The following MAP4K3 variants were observed in gnomAD, a reference collection of about 807,000 sequenced individuals.
MAP4K3 encodes the protein mitogen-activated protein kinase kinase kinase kinase 3, also known as MAPK/ERK kinase kinase kinase 3.
MAP4K3 carries 94 observed loss-of-function variants against 143.5 expected under a neutral mutation model. That is an observed-to-expected ratio of 0.65 (90% CI 0.55 to 0.78). The LOEUF (loss-of-function observed/expected upper bound fraction) is 0.78. Among genes scored for constraint, MAP4K3 ranks in the 30% least tolerant of loss-of-function variants. The pLI is 0.00. For missense variants in MAP4K3, 1,077 were observed against 1,068.1 expected, an observed-to-expected ratio of 1.01 and a Z score of -0.12; for synonymous variants, 416 against 347.2, an observed-to-expected ratio of 1.20 and a Z score of -2.20.
Position 39,437,252 on chromosome 2 carries a change from C to T in MAP4K3, c.-265G>A, listed in dbSNP as rs1052979688. The T allele has an allele frequency of 2.2e-5, 6 of 271,844 alleles. No homozygotes were observed. Among genetic ancestry groups the T allele is most frequent in the Admixed American group, 5.4e-5 (1 of 18,516 alleles). 16.8% of individuals were successfully genotyped at this position (271,844 alleles called of 1,614,324 possible). ...ACAAGGAGAGGAGAACCCTCGCAGC[C>T]CCTCGCTCGGGGTGAAACTCCAACA... On this transcript the variant is annotated 5_prime_UTR_variant, in exon 1 of 34. Coordinates refer to ENST00000263881, the MANE Select transcript of MAP4K3 (RefSeq NM_003618.4).
At chr2:39,389,813 A>G (rs752797850) in intron 1 of MAP4K3, among the ~76,000 whole-genome samples, 1 of 152,222 alleles carries the variant, frequency 6.6e-6, no homozygotes, top group Non-Finnish European at 1.5e-5. Flanking sequence ...AAGAAAGTTT[A>G]AGATGCAAGG....
At chr2:39,362,417 T>C (rs915707149) in intron 2 of MAP4K3, among the ~76,000 whole-genome samples, 17 of 152,130 alleles carry the variant, frequency 1.1e-4, no homozygotes, top group African/African-American at 4.1e-4. Context: ...CAAATGCATT[T>C]ATATACACTA....
intron 2 of MAP4K3, among the ~76,000 whole-genome samples, chr2:39,371,049 T>C (rs1323593883): frequency 6.6e-6 from 1 of 152,166 alleles, no homozygotes; most frequent in African/African-American, 2.4e-5. Flanking sequence ...TCTCAAGAAT[T>C]GGCAGTGTTC....
At chr2:39,353,891 A>G (rs941614873) in intron 3 of MAP4K3, among the ~76,000 whole-genome samples, 5 of 152,210 alleles carry the variant, frequency 3.3e-5, no homozygotes, top group African/African-American at 1.2e-4. Flanking sequence ...AGATATTATT[A>G]TCATCTGTTT....
At chr2:39,393,886 T>C (rs574908353) in intron 1 of MAP4K3, among the ~76,000 whole-genome samples, 1 of 152,190 alleles carries the variant, frequency 6.6e-6, no homozygotes, top group Non-Finnish European at 1.5e-5. Context: ...AAAATCTGCA[T>C]ATGTGGACAT....
intron 12 of MAP4K3, among the ~76,000 whole-genome samples, chr2:39,318,618 A>G (rs1683197741): frequency 6.6e-6 from 1 of 152,116 alleles, no homozygotes; most frequent in South Asian, 2.1e-4. Flanking sequence ...TTTCTAATAA[A>G]TGGCATTTAA....
At chr2:39,308,843 T>A (rs1682812354) in intron 14 of MAP4K3, among the ~76,000 whole-genome samples, 1 of 152,068 alleles carries the variant, frequency 6.6e-6, no homozygotes, top group Non-Finnish European at 1.5e-5. Flanking sequence ...GTATGCCTCA[T>A]CTCCCTAATT....
At chr2:39,379,334 G>A (rs1025323649) in intron 1 of MAP4K3, among the ~76,000 whole-genome samples, 10 of 151,876 alleles carry the variant, frequency 6.6e-5, no homozygotes, top group South Asian at 6.2e-4. Context: ...AAATTTGCAG[G>A]GAAAATTCAT....
In MAP4K3 at chr2:39,326,198, C is replaced by T. The variant is rs1384309557; in HGVS notation, c.610G>A (p.Ala204Thr). 6.2e-7 allele frequency: 1 copy of T among 1,613,856 alleles called. No individual in the cohort carries two copies. Among genetic ancestry groups the T allele is most frequent in the Non-Finnish European group, 8.5e-7 (1 of 1,179,946 alleles). The change falls in exon 9 of 34, where the codon GCC (alanine) becomes ACC (threonine). Residue 204 changes from alanine to threonine, a missense_variant. This residue lies in a region of MAP4K3 where 213 missense variants were observed against 266.8 expected (regional missense o/e 0.80). Coordinates refer to ENST00000263881, the MANE Select transcript of MAP4K3 (RefSeq NM_003618.4). The stretch of plus-strand genomic sequence containing the variant: ...GGCTGAAGCTCTGCAAGTTCTATGG[C>T]AGTGATTCCCACTGCCCAGAGATCA... ...LCDLWAVGITAIELAELQPPM... is the reference protein window; with the variant it reads ...LCDLWAVGITTIELAELQPPM...
chr2:39,325,594 A>G lies in MAP4K3; in HGVS notation c.842T>C (p.Leu281Ser). Residue 281 changes from leucine to serine, a missense_variant, in exon 12 of 34, where the codon TTG becomes TCG. Transcript: ENST00000263881. The stretch of plus-strand genomic sequence containing the variant: ...TACTTTATCCAACAGCTCGATTGCC[A>G]AAGACCGTGTCAAATGTTGTGTTAC... ...PFVTQHLTRS[L>S]AIELLDKVNN... 2 of 1,613,356 alleles carry G rather than the reference A, an allele frequency of 1.2e-6. No individual in the cohort carries two copies. The highest frequency in any genetic ancestry group is 1.7e-6 in the Non-Finnish European group (2 of 1,179,706).
intron 1 of MAP4K3, among the ~76,000 whole-genome samples, chr2:39,396,472 C>G (rs939678657): frequency 3.3e-5 from 5 of 151,418 alleles, no homozygotes; most frequent in African/African-American, 4.9e-5. Flanking sequence ...TAACTTCAAG[C>G]CCCCAATTTT....
intron 20 of MAP4K3, 75 bp downstream of exon 20, chr2:39,288,046 T>C: frequency 1.9e-6 from 3 of 1,542,834 alleles, no homozygotes; most frequent in Admixed American, 1.8e-5. Context: ...TCAAATAATC[T>C]CTTAAAAGAA....
intron 8 of MAP4K3, among the ~76,000 whole-genome samples, 188 bp from the exon 9 acceptor site, chr2:39,326,465 T>G (rs189540361): frequency 6.6e-6 from 1 of 152,228 alleles, no homozygotes; most frequent in East Asian, 1.9e-4. Context: ...AAGACCCTCA[T>G]TAGTAACTTG....
rs150494717 is a variant in MAP4K3 at position 39,331,179 on chromosome 2, A to C, written c.530+738T>G. 2.3e-4 allele frequency among the ~76,000 whole-genome samples: 35 copies of C among 152,290 alleles called. No individual in the cohort carries two copies. The East Asian group carries it at 5.6e-3, about 24-fold the overall frequency. ...AAGAGGGCATCAGGGGAGTGGTTGCACATAAGCTGAAAGCAAGGTAGGAAT... is the reference window on the plus strand; with the variant it reads ...AAGAGGGCATCAGGGGAGTGGTTGCCCATAAGCTGAAAGCAAGGTAGGAAT... On this transcript the variant is annotated intron_variant, in intron 8 of 33. Transcript: ENST00000263881.
chr2:39,328,469 G>C (rs1558649159), intron 8 of MAP4K3, among the ~76,000 whole-genome samples: 1 of 152,142 alleles, frequency 6.6e-6, no homozygotes, highest in Non-Finnish European at 1.5e-5. Flanking sequence ...AACTGGGAAG[G>C]CTACAGATTA....
intron 1 of MAP4K3, among the ~76,000 whole-genome samples, chr2:39,423,681 T>G (rs926235060): frequency 6.6e-6 from 1 of 152,236 alleles, no homozygotes; most frequent in African/African-American, 2.4e-5. Flanking sequence ...CTACATATTG[T>G]ATGATTCCAA....
intron 12 of MAP4K3, among the ~76,000 whole-genome samples, chr2:39,315,805 C>T (rs1180373420): frequency 6.6e-6 from 1 of 152,040 alleles, no homozygotes; most frequent in Non-Finnish European, 1.5e-5. Flanking sequence ...GTAAACATTA[C>T]CACTTGCATC....
chr2:39,433,816 G>C (rs545177283), intron 1 of MAP4K3, among the ~76,000 whole-genome samples: 1 of 152,248 alleles, frequency 6.6e-6, no homozygotes, highest in Non-Finnish European at 1.5e-5. Flanking sequence ...ACTTTAGACA[G>C]TGCAGATAAA....
intron 8 of MAP4K3, among the ~76,000 whole-genome samples, chr2:39,328,240 A>C (rs1340768062): frequency 6.6e-6 from 1 of 152,142 alleles, no homozygotes; most frequent in Non-Finnish European, 1.5e-5. Context: ...CTGAGGTGGG[A>C]CGATCGCTTG....
Sources: allele counts gnomAD v4.1 joint callset (sites outside exome capture counted in the v4.1 genomes callset), GRCh38; gene constraint gnomAD v4.1.1; regional missense constraint gnomAD v4.1.1; transcripts MANE v1.5; gene names NCBI Gene and HGNC (gene_info 2026-07-23, HGNC 2026-07-21).